Variants in SERAC1 observed in about 807,000 individuals in gnomAD.
SERAC1 encodes serine active site containing 1.
Under a neutral mutation model 85.7 loss-of-function variants are expected in SERAC1, and 36 were observed. That is an observed-to-expected ratio of 0.42 (90% confidence interval 0.32 to 0.55). The LOEUF is 0.55. Ranked by LOEUF, SERAC1 falls within the 20% of genes least tolerant of loss-of-function variation. The probability of loss-of-function intolerance (pLI) is 0.11; values close to 1 mark genes in which losing one functional copy is unlikely to be tolerated. For synonymous variants in SERAC1, 242 were observed against 265.3 expected (o/e 0.91, Z 0.85); for missense variants, 629 against 796.2 (o/e 0.79, Z 2.53).
At chr6:158,154,554 C>T (rs1443334229) in intron 3 of SERAC1, among the ~76,000 whole-genome samples, 5 of 151,942 alleles carry the variant, frequency 3.3e-5, no homozygotes, top group South Asian at 4.2e-4. Flanking sequence ...AAATACAGTA[C>T]GATAGTATTA....
At chr6:158,114,541 T>A (rs933324055) in intron 15 of SERAC1, 75 of 1,207,534 alleles carry the variant, frequency 6.2e-5, no homozygotes, top group Non-Finnish European at 1.0e-6. Context: ...TCTGATTATT[T>A]TTCTAATTTT....
intron 8 of SERAC1, among the ~76,000 whole-genome samples, chr6:158,132,210 C>T (rs1485748231): frequency 6.6e-6 from 1 of 152,094 alleles, no homozygotes; most frequent in Non-Finnish European, 1.5e-5. Context: ...CCAGTGTTTT[C>T]CATAGGAAAT....
intron 16 of SERAC1, chr6:158,112,514 T>C (rs1457698327): frequency 6.6e-6 from 1 of 152,104 alleles, no homozygotes. Context: ...GTTCTTCAAC[T>C]ACTAAATAGT....
intron 8 of SERAC1, among the ~76,000 whole-genome samples, chr6:158,135,284 C>A (rs1460786779): frequency 6.6e-6 from 1 of 152,146 alleles, no homozygotes; most frequent in Non-Finnish European, 1.5e-5. Flanking sequence ...ATAATCCCAG[C>A]ACTTTGGGAG....
chr6:158,111,506 A>G lies in SERAC1; in HGVS notation c.1829-4T>C, dbSNP rs1784143756. 4 of 1,574,204 alleles carry G rather than the reference A, an allele frequency of 2.5e-6. No homozygotes were observed. The highest frequency in any genetic ancestry group is 2.2e-5 in the East Asian group (1 of 44,550). On this transcript the variant is annotated splice_region_variant and splice_polypyrimidine_tract_variant and intron_variant, in intron 16 of 16. Coordinates refer to ENST00000647468, the MANE Select transcript of SERAC1 (RefSeq NM_032861.4). ...ATTAGATCTCCAATGCCTAAATCTG[A>G]AGAAAATAAAAAAGTCAATAAACCT...
intron 1 of SERAC1, among the ~76,000 whole-genome samples, chr6:158,165,962 T>C (rs1174430323): frequency 2.0e-5 from 3 of 152,204 alleles, no homozygotes; most frequent in Non-Finnish European, 2.9e-5. Flanking sequence ...TGGAGATAGA[T>C]AGTAGTGCTG....
At chr6:158,157,697 A>G (rs1488021421) in intron 2 of SERAC1, among the ~76,000 whole-genome samples, 1 of 152,262 alleles carries the variant, frequency 6.6e-6, no homozygotes, top group Admixed American at 6.5e-5. Context: ...CACCTACTAC[A>G]TGCCATGCAT....
chr6:158,130,296 C>T lies in SERAC1; in HGVS notation c.852+77G>A, dbSNP rs954821043. 8 of 712,114 alleles carry T rather than the reference C, an allele frequency of 1.1e-5. No individual in the cohort carries two copies. In the East Asian group the frequency reaches 2.5e-4, roughly 23 times the overall value. The allele number at this position is 712,114 out of a possible 1,614,324, so 44.1% of individuals were successfully genotyped here. A position where few individuals can be genotyped will look rare whatever the true frequency, so the allele number is the denominator to read the frequency against. ...CTCCTTTTACAGTAAATGATTATTG[C>T]CCTTGCAAAAATCAACCTATATAAT... On this transcript the variant is annotated intron_variant, in intron 9 of 16. Coordinates refer to ENST00000647468, the MANE Select transcript of SERAC1 (RefSeq NM_032861.4).
rs1056968773 is a variant in SERAC1, at chr6:158,119,576, T to A, written c.1167-406A>T. On this transcript the variant is annotated intron_variant, in intron 11 of 16. Coordinates refer to ENST00000647468, the MANE Select transcript of SERAC1 (RefSeq NM_032861.4). This position sits in a 1 kb window ranked among gnomAD's most constrained non-coding sequence, Gnocchi z 4.5. The stretch of plus-strand genomic sequence containing the variant: ...TCAAAGTCAGTATATATAAAAGAGA[T>A]TTTCAAAAATGTGTTAAGGAAACTA... Among the ~76,000 whole-genome samples, 4 of 152,106 alleles carry A rather than the reference T, an allele frequency of 2.6e-5. No individual in the cohort carries two copies. Among genetic ancestry groups the A allele is most frequent in the African/African-American group, 9.7e-5 (4 of 41,410 alleles).
At chr6:158,159,562 C>G (rs566387304) in intron 1 of SERAC1, among the ~76,000 whole-genome samples, 1 of 149,314 alleles carries the variant, frequency 6.7e-6, no homozygotes, top group African/African-American at 2.4e-5. Context: ...TAATTTTTCT[C>G]TAATCTGTGA....
rs1784648753 is a variant in SERAC1 at position 158,130,486 on chromosome 6, C to G, written c.739G>C (p.Gly247Arg). Residue 247 changes from glycine (G) to arginine (R), a missense_variant and splice_region_variant, in exon 9 of 17, where the codon GGT becomes CGT. By Grantham distance (125) the Gly-to-Arg change is moderately radical. Transcript: ENST00000647468. ...ESSQSLAAQK[G>R]GLWCFGGNGL... ...TTTCCTCCAAAACACCATAAACCACCCTGAAATTAAAATAATTAAAATTTT... is the reference window on the plus strand; with the variant it reads ...TTTCCTCCAAAACACCATAAACCACGCTGAAATTAAAATAATTAAAATTTT... The G allele has an allele frequency of 6.5e-7, 1 of 1,543,966 alleles. No homozygotes were observed. The highest frequency in any genetic ancestry group is 8.8e-7 in the Non-Finnish European group (1 of 1,142,206).
intron 14 of SERAC1, among the ~76,000 whole-genome samples, chr6:158,115,598 G>A (rs545673020): frequency 3.0e-4 from 46 of 152,248 alleles, no homozygotes; most frequent in African/African-American, 1.0e-3. Flanking sequence ...ACTAGGCCAC[G>A]GGCTGCAGAA....
intron 1 of SERAC1, 136 bp from the exon 2 acceptor site, chr6:158,158,500 C>G (rs1785411340): frequency 5.6e-6 from 3 of 537,526 alleles, no homozygotes; most frequent in East Asian, 6.3e-5. Context: ...AGAAAACTTT[C>G]CAATTAAAAA....
At chr6:158,167,817 G>C (rs1423154837) in intron 1 of SERAC1, among the ~76,000 whole-genome samples, 3 of 152,004 alleles carry the variant, frequency 2.0e-5, no homozygotes, top group African/African-American at 7.3e-5. Flanking sequence ...AGGCTCAGAA[G>C]TGACTGGTGA....
chr6:158,158,537 G>A (rs1785412180), intron 1 of SERAC1, 173 bp from the exon 2 acceptor site: 1 of 503,452 alleles, frequency 2.0e-6, no homozygotes, highest in Admixed American at 3.5e-5. Context: ...AAACTTAAAA[G>A]GGACTTATTA....
Position 158,117,347 on chromosome 6 carries a change from T to C in SERAC1, c.1403+380A>G, listed in dbSNP as rs558951792. ...TGGCACAGATGACATACAAGGGAAA[T>C]AGCAGCTGATATTTCTCAGCATCTT... On this transcript the variant is annotated intron_variant, in intron 13 of 16. Transcript: ENST00000647468. This position sits in a 1 kb window ranked among gnomAD's most constrained non-coding sequence, Gnocchi z 4.3. The C allele has an allele frequency of 1.6e-6, 1 of 641,586 alleles. No homozygotes were observed. Among genetic ancestry groups the C allele is most frequent in the Non-Finnish European group, 2.7e-6 (1 of 377,200 alleles). The allele number at this position is 641,586 out of a possible 1,614,324, so 39.7% of individuals were successfully genotyped here.
In SERAC1 at chr6:158,115,046, C is replaced by T. The variant is rs1290519133; in HGVS notation, c.1502-75G>A. On this transcript the variant is annotated intron_variant, in intron 14 of 16. Coordinates refer to ENST00000647468, the MANE Select transcript of SERAC1 (RefSeq NM_032861.4). ...TTTATTACTGTAAAAAAAGAAAAGG[C>T]CAAACAAGAAATACATAAAAAGAGA... is the stretch of plus-strand genomic sequence containing the variant. 5 of 1,439,546 alleles carry T rather than the reference C, an allele frequency of 3.5e-6. No homozygotes were observed. The East Asian group carries it at 9.2e-5, about 26-fold the overall frequency. The allele number at this position is 1,439,546 out of a possible 1,614,324, so 89.2% of individuals were successfully genotyped here.
chr6:158,145,520 T>C (rs1235560591), intron 6 of SERAC1, among the ~76,000 whole-genome samples: 3 of 150,404 alleles, frequency 2.0e-5, no homozygotes, highest in Non-Finnish European at 4.4e-5. Context: ...TTGAGAATTT[T>C]TCTTTTTTTT....
chr6:158,162,931 T>C (rs922565502), intron 1 of SERAC1, among the ~76,000 whole-genome samples: 2 of 152,182 alleles, frequency 1.3e-5, no homozygotes, highest in Non-Finnish European at 2.9e-5. Flanking sequence ...CGAGTAACTT[T>C]GGCCATAGGA....
Sources: allele counts gnomAD v4.1 joint callset (sites outside exome capture counted in the v4.1 genomes callset), GRCh38; gene constraint gnomAD v4.1.1; non-coding constraint Gnocchi (gnomAD v3.1); transcripts MANE v1.5; gene names NCBI Gene and HGNC (gene_info 2026-07-23, HGNC 2026-07-21).